Variants in PRKD3 observed in about 807,000 individuals in gnomAD.
The protein encoded by PRKD3 is protein kinase D3, also known as serine/threonine-protein kinase D3.
Under a neutral mutation model 99.2 loss-of-function variants are expected in PRKD3, and 47 were observed. The ratio of observed to expected loss-of-function variants is 0.47; its 90% CI spans 0.38 to 0.60. PRKD3 has a LOEUF of 0.60. Ranked by LOEUF, PRKD3 falls within the 20% of genes least tolerant of loss-of-function variation. The pLI is 0.00. For missense variants in PRKD3, 1,019 were observed against 1,088.4 expected (o/e 0.94, Z 0.90); for synonymous variants, 392 against 355.4 (o/e 1.10, Z -1.16).
chr2:37,302,764 C>G (rs1257780668), intron 2 of PRKD3, among the ~76,000 whole-genome samples: 3 of 152,076 alleles, frequency 2.0e-5, no homozygotes, highest in East Asian at 3.9e-4. Context: ...ATTGCCCAGG[C>G]TGGTCTCCAT....
In PRKD3 at chr2:37,316,818, T is replaced by C. The variant is rs1026464810; in HGVS notation, c.-294A>G. 3.8e-5 allele frequency: 45 copies of C among 1,183,636 alleles called. No individual in the cohort carries two copies. The highest frequency in any genetic ancestry group is 9.5e-5 in the African/African-American group (6 of 63,142). The allele number at this position is 1,183,636 out of a possible 1,614,324, so 73.3% of individuals were successfully genotyped here. ...CATCACTGAGCTATCCTCAGCAGGA[T>C]AGAGTTGACGTAGCTTATTTACGAA... On this transcript the variant is annotated 5_prime_UTR_variant, in exon 2 of 19. Transcript: ENST00000234179.
intron 3 of PRKD3, among the ~76,000 whole-genome samples, chr2:37,291,937 CCTT>C (rs2124842557): frequency 1.3e-5 from 2 of 152,182 alleles, no homozygotes; most frequent in East Asian, 3.9e-4. Context: ...CCTTTTCACT[CCTT>C]ATTATCTTGC....
At chr2:37,297,121 A>G (rs1332249890) in intron 2 of PRKD3, among the ~76,000 whole-genome samples, 2 of 152,106 alleles carry the variant, frequency 1.3e-5, no homozygotes, top group Non-Finnish European at 2.9e-5. Context: ...AAAATTCAGA[A>G]AATAGGTTTT....
chr2:37,320,561 A>G (rs1671841555), intron 1 of PRKD3, among the ~76,000 whole-genome samples: 2 of 150,048 alleles, frequency 1.3e-5, no homozygotes, highest in Non-Finnish European at 2.9e-5. Flanking sequence ...CCGCCCCAGT[A>G]GCTGGGATTA....
chr2:37,256,587 T>G, intron 17 of PRKD3, 75 bp downstream of exon 17: 1 of 1,412,154 alleles, frequency 7.1e-7, no homozygotes, highest in Non-Finnish European at 9.3e-7. Flanking sequence ...CAGACTGATT[T>G]GGGATGAGAA....
At chr2:37,324,356 G>C (rs530946245) in intron 1 of PRKD3, 2 of 373,990 alleles carry the variant, frequency 5.3e-6, no homozygotes, top group South Asian at 2.2e-4. Context: ...CTCCAGCGGA[G>C]CGCGAACCCA....
chr2:37,263,808 C>T (rs1462354052), intron 14 of PRKD3, among the ~76,000 whole-genome samples: 1 of 152,120 alleles, frequency 6.6e-6, no homozygotes, highest in Non-Finnish European at 1.5e-5. Flanking sequence ...TGTTGGAAAT[C>T]TACATGATTT....
chr2:37,261,118 T>C (rs1407311457), intron 14 of PRKD3, among the ~76,000 whole-genome samples: 2 of 152,226 alleles, frequency 1.3e-5, no homozygotes, highest in African/African-American at 2.4e-5. Context: ...AATAACCTGG[T>C]TTCAGTCTTC....
chr2:37,316,470 T>C lies in PRKD3; in HGVS notation c.55A>G (p.Ile19Val), dbSNP rs140578156. 8.7e-6 allele frequency: 14 copies of C among 1,613,944 alleles called. No individual in the cohort carries two copies. The highest frequency in any genetic ancestry group is 1.2e-5 in the Non-Finnish European group (14 of 1,179,754). Residue 19 changes from isoleucine (I) to valine (V), a missense_variant, in exon 2 of 19, where the codon ATT (isoleucine) becomes GTT (valine). Around this residue, in one of 3 missense-constraint regions of PRKD3, gnomAD observed 710 missense variants for 692.7 expected, o/e 1.02. Coordinates refer to ENST00000234179, the MANE Select transcript of PRKD3 (RefSeq NM_005813.6). ...SAQKSVLPTAIPAVLPAASPC... is the reference protein window; with the variant it reads ...SAQKSVLPTAVPAVLPAASPC... ...GAAGCAGCTGGAAGCACAGCAGGAA[T>C]AGCTGTGGGTAATACAGACTTCTGG...
At chr2:37,264,330 G>C (rs951540566) in intron 14 of PRKD3, among the ~76,000 whole-genome samples, 7 of 152,058 alleles carry the variant, frequency 4.6e-5, no homozygotes, top group Non-Finnish European at 1.0e-4. Flanking sequence ...ATAAGAATTT[G>C]CCGTGTACCC....
chr2:37,279,834 C>G lies in PRKD3; in HGVS notation c.1084G>C (p.Glu362Gln). 6.2e-7 allele frequency: 1 copy of G among 1,613,706 alleles called. No homozygotes were observed. ...ATCTTATCTTCTGGGGGTGATGGCT[C>G]TTCTGTGTCATCCAAACCCCGACTA... ...DSSRGLDDTE[E>Q]PSPPEDKMFF... The change falls in exon 8 of 19, where the codon GAG (glutamate) becomes CAG (glutamine). Residue 362 changes from glutamate (E) to glutamine (Q), a missense_variant. Physicochemically the swap from Glu to Gln is conservative, Grantham distance 29. Around this residue, in one of 3 missense-constraint regions of PRKD3, gnomAD observed 710 missense variants for 692.7 expected, o/e 1.02. Transcript: ENST00000234179.
intron 2 of PRKD3, among the ~76,000 whole-genome samples, chr2:37,294,179 C>G (rs1670572346): frequency 6.6e-6 from 1 of 152,112 alleles, no homozygotes; most frequent in Non-Finnish European, 1.5e-5. Flanking sequence ...AACACTGCAG[C>G]CTCAAACTCC....
intron 14 of PRKD3, among the ~76,000 whole-genome samples, chr2:37,262,038 G>A (rs781115621): frequency 3.2e-4 from 48 of 152,280 alleles, no homozygotes; most frequent in Non-Finnish European, 2.1e-4. Context: ...TAGGCTACAC[G>A]GGGCTAAGTT....
chr2:37,309,381 G>A (rs1407086062), intron 2 of PRKD3, among the ~76,000 whole-genome samples: 1 of 151,994 alleles, frequency 6.6e-6, no homozygotes, highest in East Asian at 1.9e-4. Context: ...TAATTCTTGG[G>A]CATGTGTATA....
chr2:37,261,555 C>T (rs548850736), intron 14 of PRKD3, among the ~76,000 whole-genome samples: 135 of 151,972 alleles, frequency 8.9e-4, no homozygotes, highest in African/African-American at 2.9e-3. Flanking sequence ...CCAAGGCAGG[C>T]GGATCACCTG....
chr2:37,252,309 T>C lies in PRKD3; in HGVS notation c.*868A>G, dbSNP rs1667564644. On this transcript the variant is annotated 3_prime_UTR_variant, in exon 19 of 19. Coordinates refer to ENST00000234179, the MANE Select transcript of PRKD3 (RefSeq NM_005813.6). Reference sequence around the variant, plus strand: ...AAAGATAAATTGTGTAAAGCCGAGATCTGCACCTGCTGAATGCTGGAATCC... The same window carrying C: ...AAAGATAAATTGTGTAAAGCCGAGACCTGCACCTGCTGAATGCTGGAATCC... The C allele has an allele frequency of 6.6e-6, 1 of 152,192 alleles. No individual in the cohort carries two copies. Among genetic ancestry groups the C allele is most frequent in the South Asian group, 2.1e-4 (1 of 4,834 alleles). The allele number at this position is 152,192 out of a possible 1,614,324, so 9.4% of individuals were successfully genotyped here.
chr2:37,293,287 C>G lies in PRKD3; in HGVS notation c.289-16G>C, dbSNP rs368945918. The G allele has an allele frequency of 1.3e-6, 2 of 1,560,160 alleles. No homozygotes were observed. The highest frequency in any genetic ancestry group is 3.4e-5 in the Admixed American group (2 of 58,360). On this transcript the variant is annotated splice_polypyrimidine_tract_variant and intron_variant, in intron 2 of 18. Coordinates refer to ENST00000234179, the MANE Select transcript of PRKD3 (RefSeq NM_005813.6). ...ACTCTGGAAACTGAGGGATAATAGTCCTATATCAGTATGACCACAGTTTTC... is the reference window on the plus strand; with the variant it reads ...ACTCTGGAAACTGAGGGATAATAGTGCTATATCAGTATGACCACAGTTTTC...
At position 37,256,628 on chromosome 2, in the gene PRKD3, ATTTTTTTTTTTTTTTTT is replaced by A. The variant is rs56389006; in HGVS notation, c.2413+17_2413+33del. 71 of 1,202,282 alleles carry A rather than the reference ATTTTTTTTTTTTTTTTT, an allele frequency of 5.9e-5. No individual in the cohort carries two copies. The highest frequency in any genetic ancestry group is 1.6e-4 in the East Asian group (5 of 31,930). The allele number at this position is 1,202,282 out of a possible 1,614,324, so 74.5% of individuals were successfully genotyped here. On this transcript the variant is annotated intron_variant, in intron 17 of 18. Transcript: ENST00000234179. The stretch of plus-strand genomic sequence containing the variant: ...TTTAGGCTTAAAACACATAGCCAAA[ATTTTTTTTTTTTTTTTT>A]TTTTTTTTTTTTTTACCTTCACCAG...
chr2:37,278,926 C>A (rs1669705370), intron 8 of PRKD3: 1 of 120,898 alleles, frequency 8.3e-6, no homozygotes. Context: ...CAGGGCGAGA[C>A]TCTGTCTCAA....
Sources: allele counts gnomAD v4.1 joint callset (sites outside exome capture counted in the v4.1 genomes callset), GRCh38; gene constraint gnomAD v4.1.1; regional missense constraint gnomAD v4.1.1; transcripts MANE v1.5; gene names NCBI Gene and HGNC (gene_info 2026-07-23, HGNC 2026-07-21).